Variants in MYOT observed in about 807,000 individuals in gnomAD.
MYOT encodes the protein myotilin.
Under a neutral mutation model 58.0 loss-of-function variants are expected in MYOT, and 36 were observed. The ratio of observed to expected loss-of-function variants is 0.62; its 90% CI spans 0.48 to 0.82. The LOEUF (loss-of-function observed/expected upper bound fraction) is 0.82. Among genes scored for constraint, MYOT ranks in the 40% least tolerant of loss-of-function variants. The pLI is 0.00. For synonymous variants in MYOT, 218 were observed against 204.6 expected (o/e 1.07, Z -0.56); for missense variants, 505 against 592.1 (o/e 0.85, Z 1.53).
At chr5:137,885,466 G>T (rs1385499661) in intron 7 of MYOT, among the ~76,000 whole-genome samples, 1 of 152,092 alleles carries the variant, frequency 6.6e-6, no homozygotes, top group Non-Finnish European at 1.5e-5. Flanking sequence ...TAGATGAGAT[G>T]ATAAAGAATA....
intron 5 of MYOT, 41 bp from the exon 6 acceptor site, chr5:137,881,932 G>C: frequency 1.2e-6 from 2 of 1,603,232 alleles, no homozygotes; most frequent in Non-Finnish European, 1.7e-6. Context: ...GAAAAGCAAT[G>C]ATAATATTTA....
intron 2 of MYOT, among the ~76,000 whole-genome samples, chr5:137,873,502 T>C (rs553924977): frequency 6.6e-6 from 1 of 151,580 alleles, no homozygotes; most frequent in African/African-American, 2.4e-5. Flanking sequence ...GCCAAGTCCA[T>C]GCCATTGCAC....
chr5:137,886,410 A>G (rs1163963235), intron 8 of MYOT, among the ~76,000 whole-genome samples, 197 bp downstream of exon 8: 1 of 152,206 alleles, frequency 6.6e-6, no homozygotes, highest in Non-Finnish European at 1.5e-5. Context: ...TCAGAAATGT[A>G]AGGCATAAAG....
At chr5:137,880,940 T>A in intron 5 of MYOT, 75 bp downstream of exon 5, 7 of 1,115,150 alleles carry the variant, frequency 6.3e-6, no homozygotes, top group Non-Finnish European at 9.3e-6. Flanking sequence ...GTAATATTTA[T>A]AAAGCCCTCG....
Position 137,870,980 on chromosome 5 carries a change from G to C in MYOT, c.329G>C (p.Ser110Thr). 2 of 1,614,036 alleles carry C rather than the reference G, an allele frequency of 1.2e-6. No individual in the cohort carries two copies. The highest frequency in any genetic ancestry group is 1.7e-6 in the Non-Finnish European group (2 of 1,179,924). ...ILPSQPDYNS[S>T]KIPSAMDSNY... ...CCATCACAGCCTGATTACAATAGCA[G>C]TAAAATCCCTTCCGCTATGGATTCC... Residue 110 changes from serine to threonine, a missense_variant, in exon 2 of 10, where the codon AGT becomes ACT. Transcript: ENST00000239926.
Position 137,877,523 on chromosome 5 carries a change from C to CT in MYOT, c.536dup (p.Thr180AsnfsTer3). 2 of 1,608,532 alleles carry CT rather than the reference C, an allele frequency of 1.2e-6. No individual in the cohort carries two copies. The highest frequency in any genetic ancestry group is 1.7e-6 in the Non-Finnish European group (2 of 1,175,026). ...TGTCTCAATAAATTCTCTAAAGCGT[C>CT]TAACATATGAAGAGAAGATGGCTCG... On this transcript the variant is annotated frameshift_variant, in exon 4 of 10. Transcript: ENST00000239926. LOFTEE classifies it high-confidence loss of function.
intron 7 of MYOT, among the ~76,000 whole-genome samples, chr5:137,884,924 A>G (rs1383594908): frequency 2.0e-5 from 3 of 152,266 alleles, no homozygotes; most frequent in African/African-American, 7.2e-5. Flanking sequence ...ATCAATACAA[A>G]ATCTTTAAGA....
chr5:137,885,596 A>G (rs1755569752), intron 7 of MYOT, among the ~76,000 whole-genome samples: 1 of 151,392 alleles, frequency 6.6e-6, no homozygotes, highest in African/African-American at 2.4e-5. Context: ...ACATGGCAAA[A>G]CTCTGTGTCC....
chr5:137,877,558 A>G lies in MYOT; in HGVS notation c.570A>G (p.Leu190=), dbSNP rs774295741. 1.2e-5 allele frequency: 20 copies of G among 1,613,988 alleles called. No homozygotes were observed. The highest frequency in any genetic ancestry group is 1.6e-5 in the Non-Finnish European group (19 of 1,179,896). ...TYEEKMARRL[L]GPQNAAAVFQ... ...AAGAGAAGATGGCTCGCAGATTGCT[A>G]GGACCACAGAATGCAGCTGCTGTGT... Residue 190 remains leucine (L), a synonymous_variant, in exon 4 of 10, where the codon CTA becomes CTG. Transcript: ENST00000239926.
intron 1 of MYOT, among the ~76,000 whole-genome samples, chr5:137,870,114 C>T (rs1754992774): frequency 6.9e-6 from 1 of 144,578 alleles, no homozygotes; most frequent in South Asian, 2.2e-4. Flanking sequence ...CATAGTGAAA[C>T]CCTGTCTCTA....
chr5:137,871,639 T>C (rs1325130489), intron 2 of MYOT, among the ~76,000 whole-genome samples: 3 of 152,232 alleles, frequency 2.0e-5, no homozygotes, highest in Admixed American at 2.0e-4. Flanking sequence ...TTTCGTTTGG[T>C]AATTAAAACC....
In MYOT at chr5:137,885,738, C is replaced by T. The variant is rs565958696; in HGVS notation, c.1025-310C>T. ...AGTGAACCAAGATCACGCCACTGCGCTCCAGCCTGGGCAAAAGAGCGAGAC... is the reference window on the plus strand; with the variant it reads ...AGTGAACCAAGATCACGCCACTGCGTTCCAGCCTGGGCAAAAGAGCGAGAC... On this transcript the variant is annotated intron_variant, in intron 7 of 9. Coordinates refer to ENST00000239926, the MANE Select transcript of MYOT (RefSeq NM_006790.3). 2.2e-5 allele frequency among the ~76,000 whole-genome samples: 3 copies of T among 135,680 alleles called. No homozygotes were observed. The South Asian group carries it at 7.2e-4, about 33-fold the overall frequency. 89.0% of individuals were successfully genotyped at this position (135,680 alleles called of 152,430 possible).
At chr5:137,887,034 TTAAC>T in intron 9 of MYOT, 37 bp downstream of exon 9, 1 of 1,594,142 alleles carries the variant, frequency 6.3e-7, no homozygotes, top group Non-Finnish European at 8.6e-7. Flanking sequence ...TATAAGGGAT[TTAAC>T]TAGGAAGATT....
At position 137,876,046 on chromosome 5, in the gene MYOT, T is replaced by C. The variant is rs749524448; in HGVS notation, c.531+43T>C. 2.5e-6 allele frequency: 4 copies of C among 1,593,358 alleles called. No homozygotes were observed. The East Asian group carries it at 6.7e-5, about 27-fold the overall frequency. On this transcript the variant is annotated intron_variant, in intron 3 of 9. Coordinates refer to ENST00000239926, the MANE Select transcript of MYOT (RefSeq NM_006790.3). The stretch of plus-strand genomic sequence containing the variant: ...TTTGTACAAAAGGCCAATTAAACTA[T>C]AAAATCTAATTTTAATAAGGAAGTT...
chr5:137,877,260 C>G (rs1028658041), intron 3 of MYOT, among the ~76,000 whole-genome samples: 1 of 148,870 alleles, frequency 6.7e-6, no homozygotes, highest in Non-Finnish European at 1.5e-5. Context: ...CCCAGCTACT[C>G]AGGAGGCTGA....
intron 5 of MYOT, 139 bp downstream of exon 5, chr5:137,881,004 A>C: frequency 3.1e-6 from 2 of 648,026 alleles, no homozygotes; most frequent in South Asian, 3.9e-5. Context: ...ATGTCTGAGA[A>C]GATGACCAAA....
At position 137,870,933 on chromosome 5, in the gene MYOT, C is replaced by T. The variant is rs773396473; in HGVS notation, c.282C>T (p.Ala94=). ...RVTTTYNQSP[A]SFLSSILPSQ... ...CAACCACCTATAACCAGTCCCCAGCCAGCTTCCTCAGCTCCATATTACCAT... is the reference window on the plus strand; with the variant it reads ...CAACCACCTATAACCAGTCCCCAGCTAGCTTCCTCAGCTCCATATTACCAT... Residue 94 remains alanine (A), a synonymous_variant, in exon 2 of 10, where the codon GCC becomes GCT. Coordinates refer to ENST00000239926, the MANE Select transcript of MYOT (RefSeq NM_006790.3). 6.2e-7 allele frequency: 1 copy of T among 1,614,260 alleles called. No individual in the cohort carries two copies. The highest frequency in any genetic ancestry group is 2.2e-5 in the East Asian group (1 of 44,892).
Position 137,887,775 on chromosome 5 carries a change from A to T in MYOT, c.*390A>T. The T allele has an allele frequency of 6.3e-6, 1 of 159,472 alleles. No individual in the cohort carries two copies. The highest frequency in any genetic ancestry group is 1.9e-4 in the South Asian group (1 of 5,318). The allele number at this position is 159,472 out of a possible 1,614,324, so 9.9% of individuals were successfully genotyped here. The stretch of plus-strand genomic sequence containing the variant: ...TTTACCCGTTTTCTCTTGTAGGAAT[A>T]CTAACATGGTATAGATTATCTGAGT... On this transcript the variant is annotated 3_prime_UTR_variant, in exon 10 of 10. Transcript: ENST00000239926.
At chr5:137,881,937 T>C in intron 5 of MYOT, 36 bp from the exon 6 acceptor site, 1 of 1,607,528 alleles carries the variant, frequency 6.2e-7, no homozygotes. Flanking sequence ...GCAATGATAA[T>C]ATTTACGCAT....
Sources: allele counts gnomAD v4.1 joint callset (sites outside exome capture counted in the v4.1 genomes callset), GRCh38; gene constraint gnomAD v4.1.1; transcripts MANE v1.5; gene names NCBI Gene and HGNC (gene_info 2026-07-23, HGNC 2026-07-21).